The following TMEM220 variants were observed in gnomAD, a reference collection of about 807,000 sequenced individuals.
The protein encoded by TMEM220 is transmembrane protein 220.
TMEM220 carries 21 observed loss-of-function variants against 21.7 expected under a neutral mutation model. The ratio of observed to expected loss-of-function variants is 0.97; its 90% confidence interval spans 0.69 to 1.39. TMEM220 has a LOEUF of 1.39. Ranked by LOEUF, TMEM220 falls within the 40% of genes most tolerant of loss-of-function variation. TMEM220 has a pLI of 0.00. For missense variants in TMEM220, 191 were observed against 201.9 expected, an observed-to-expected ratio of 0.95 and a Z score of 0.33; for synonymous variants, 80 against 73.6, an observed-to-expected ratio of 1.09 and a Z score of -0.45.
rs1188305664 is a variant in TMEM220 at position 10,715,575 on chromosome 17, C to T, written c.361G>A (p.Gly121Arg). Residue 121 changes from glycine to arginine, a missense_variant, in exon 6 of 6, where the codon GGA becomes AGA. Coordinates refer to ENST00000341871, the MANE Select transcript of TMEM220 (RefSeq NM_001004313.3). Reference sequence around the variant, plus strand: ...ATGGCAATAGCCAATTGAATTCTTCCACCAACTGGATTCCTATAAAGACAC... The same window carrying T: ...ATGGCAATAGCCAATTGAATTCTTCTACCAACTGGATTCCTATAAAGACAC... ...CHSSSKNPVG[G>R]RIQLAIAIVI... 6.3e-7 allele frequency: 1 copy of T among 1,589,104 alleles called. No individual in the cohort carries two copies. Among genetic ancestry groups the T allele is most frequent in the Non-Finnish European group, 8.5e-7 (1 of 1,173,984 alleles).
chr17:10,724,872 G>T, intron 4 of TMEM220, 139 bp downstream of exon 4: 1 of 1,179,694 alleles, frequency 8.5e-7, no homozygotes, highest in Non-Finnish European at 1.2e-6. Flanking sequence ...AGGTTATAAA[G>T]AAGATAATAC....
At chr17:10,726,489 C>A in intron 2 of TMEM220, 1 of 554,672 alleles carries the variant, frequency 1.8e-6, no homozygotes, top group Non-Finnish European at 3.2e-6. Context: ...ATAGGCTATT[C>A]CAGAAGCTCA....
At chr17:10,727,632 T>C (rs1205147253) in intron 2 of TMEM220, among the ~76,000 whole-genome samples, 1 of 152,118 alleles carries the variant, frequency 6.6e-6, no homozygotes, top group Admixed American at 6.5e-5. Flanking sequence ...CAAAGGCAGT[T>C]TGATTTGATT....
In TMEM220 at chr17:10,729,061, C is replaced by T. The variant is rs369583189; in HGVS notation, c.73-1G>A. Reference sequence around the variant, plus strand: ...ACACCTCTGCATCTGGGTCATTTACCTGGAACGCCAGAATACCAAGGTGTT... The same window carrying T: ...ACACCTCTGCATCTGGGTCATTTACTTGGAACGCCAGAATACCAAGGTGTT... On this transcript the variant is annotated splice_acceptor_variant, in intron 1 of 5. Coordinates refer to ENST00000341871, the MANE Select transcript of TMEM220 (RefSeq NM_001004313.3). LOFTEE classifies it high-confidence loss of function. The T allele has an allele frequency of 6.2e-6, 10 of 1,614,088 alleles. No individual in the cohort carries two copies. The highest frequency in any genetic ancestry group is 5.5e-5 in the South Asian group (5 of 91,078).
In TMEM220 at chr17:10,729,080, A is replaced by T. The variant is rs780720688; in HGVS notation, c.73-20T>A. On this transcript the variant is annotated intron_variant, in intron 1 of 5. Transcript: ENST00000341871. ...ATTTACCTGGAACGCCAGAATACCA[A>T]GGTGTTAGCAGACATCCTGTGCTGT... 1.2e-5 allele frequency: 19 copies of T among 1,613,988 alleles called. No homozygotes were observed. Among genetic ancestry groups the T allele is most frequent in the Non-Finnish European group, 1.5e-5 (18 of 1,179,962 alleles).
intron 3 of TMEM220, among the ~76,000 whole-genome samples, chr17:10,725,897 C>T (rs1366975870): frequency 6.6e-6 from 1 of 152,196 alleles, no homozygotes; most frequent in African/African-American, 2.4e-5. Context: ...TAAGGTGGGA[C>T]TCATTAGTCT....
chr17:10,721,028 G>GTGTA (rs1360461192), intron 5 of TMEM220, among the ~76,000 whole-genome samples: 3 of 152,192 alleles, frequency 2.0e-5, no homozygotes, highest in African/African-American at 7.2e-5. Flanking sequence ...AAATGTATAT[G>GTGTA]TGTACGTGTA....
At chr17:10,720,999 C>T (rs2074981614) in intron 5 of TMEM220, among the ~76,000 whole-genome samples, 1 of 152,142 alleles carries the variant, frequency 6.6e-6, no homozygotes, top group Non-Finnish European at 1.5e-5. Flanking sequence ...AGTATAAACT[C>T]ATAAGACATC....
intron 2 of TMEM220, among the ~76,000 whole-genome samples, chr17:10,728,164 A>G (rs2075069914): frequency 6.6e-6 from 1 of 151,994 alleles, no homozygotes; most frequent in African/African-American, 2.4e-5. Flanking sequence ...CCGTCTCAAA[A>G]AGAAAAAAAA....
Position 10,725,026 on chromosome 17 carries a change from T to C in TMEM220, c.272A>G (p.His91Arg), listed in dbSNP as rs778600307. 4.3e-6 allele frequency: 7 copies of C among 1,614,180 alleles called. No individual in the cohort carries two copies. Among genetic ancestry groups the C allele is most frequent in the Admixed American group, 1.7e-5 (1 of 60,016 alleles). Residue 91 changes from histidine to arginine, a missense_variant, in exon 4 of 6, where the codon CAT becomes CGT. Coordinates refer to ENST00000341871, the MANE Select transcript of TMEM220 (RefSeq NM_001004313.3). ...LLHRTQQNIL[H>R]EEEGRELSGL... ...CACCGCTCACCTGCCTTCTTCCTCA[T>C]GTAAGATGTTCTGTTGTGTACGATG...
intron 1 of TMEM220, 101 bp from the exon 2 acceptor site, chr17:10,729,161 A>C (rs779632539): frequency 5.3e-5 from 71 of 1,333,788 alleles, no homozygotes; most frequent in Non-Finnish European, 5.8e-5. Flanking sequence ...TAAGTGCCAG[A>C]CACTGCAATA....
At chr17:10,725,870 A>G (rs572492238) in intron 3 of TMEM220, among the ~76,000 whole-genome samples, 62 of 152,334 alleles carry the variant, frequency 4.1e-4, no homozygotes, top group Non-Finnish European at 7.1e-4. Context: ...CATCTAGGGA[A>G]CTAGAATTTT....
chr17:10,716,360 C>A (rs568425091), intron 5 of TMEM220: 1 of 642,976 alleles, frequency 1.6e-6, no homozygotes, highest in Non-Finnish European at 3.0e-6. Flanking sequence ...CTTTTATGTA[C>A]ATAAGCCTCT....
intron 5 of TMEM220, among the ~76,000 whole-genome samples, chr17:10,722,992 T>G (rs1198619345): frequency 1.3e-5 from 2 of 151,548 alleles, no homozygotes; most frequent in Non-Finnish European, 2.9e-5. Context: ...TTCTTTTTTT[T>G]TTTTTTTTGA....
At chr17:10,719,309 C>G (rs2074960409) in intron 5 of TMEM220, among the ~76,000 whole-genome samples, 1 of 152,198 alleles carries the variant, frequency 6.6e-6, no homozygotes, top group Non-Finnish European at 1.5e-5. Flanking sequence ...CGGAGTCTCT[C>G]TCTGTCTCCC....
At chr17:10,722,336 T>C (rs2075002902) in intron 5 of TMEM220, among the ~76,000 whole-genome samples, 4 of 152,182 alleles carry the variant, frequency 2.6e-5, no homozygotes, top group African/African-American at 9.6e-5. Flanking sequence ...TTGAGATTCT[T>C]TGACTCTTAA....
At chr17:10,729,654 A>G (rs2075099142) in intron 1 of TMEM220, 126 bp downstream of exon 1, 3 of 791,136 alleles carry the variant, frequency 3.8e-6, no homozygotes, top group Non-Finnish European at 5.2e-6. Flanking sequence ...CAGAAAGCCC[A>G]AGTCCCGTCC....
chr17:10,717,658 GTCC>G, intron 5 of TMEM220, among the ~76,000 whole-genome samples: 1 of 152,182 alleles, frequency 6.6e-6, no homozygotes, highest in South Asian at 2.1e-4. Flanking sequence ...TTGGTTACCT[GTCC>G]TCATAAAATT....
At chr17:10,717,489 G>A (rs1231841876) in intron 5 of TMEM220, among the ~76,000 whole-genome samples, 1 of 152,168 alleles carries the variant, frequency 6.6e-6, no homozygotes, top group Non-Finnish European at 1.5e-5. Context: ...TTTTTGTAAT[G>A]TGAAACTAAC....
Sources: gnomAD v4.1 joint callset for allele counts (sites outside exome capture counted in the v4.1 genomes callset) on GRCh38, gnomAD v4.1.1 for gene constraint, MANE v1.5 for transcripts, NCBI Gene and HGNC (gene_info 2026-07-23, HGNC 2026-07-21) for gene names.